Variants in KLHL32 observed in about 807,000 individuals in gnomAD.
KLHL32 encodes kelch like family member 32.
In KLHL32, 35 loss-of-function variants were observed where a neutral mutation model predicts 64.8. That is an observed-to-expected ratio of 0.54 (90% CI 0.41 to 0.72). The LOEUF is 0.72. KLHL32 is among the 30% of genes least tolerant of loss of function. KLHL32 has a pLI of 0.00. For missense variants in KLHL32, 589 were observed against 768.5 expected (o/e 0.77, Z 2.76); for synonymous variants, 259 against 281.0 (o/e 0.92, Z 0.78).
At position 97,009,682 on chromosome 6, in the gene KLHL32, G is replaced by A. The variant is rs150325876; in HGVS notation, c.205-31810G>A. ...ACTACTTTGAATTCCCTATTTGATG[G>A]AAGTGAAATGTGATCTTGCTGGACA... On this transcript the variant is annotated intron_variant, in intron 3 of 10. Transcript: ENST00000369261. Among the ~76,000 whole-genome samples, 1,486 of 152,258 alleles carry A rather than the reference G, an allele frequency of 9.8e-3. 9 individuals are homozygous for A. The highest frequency in any genetic ancestry group is 0.017 in the Non-Finnish European group (1,127 of 68,026).
chr6:96,902,645 C>T, the KLHL32 span, among the ~76,000 whole-genome samples: 1 of 152,048 alleles, frequency 6.6e-6, no homozygotes, highest in African/African-American at 2.4e-5. Flanking sequence ...TTGGTGTCTT[C>T]GTCATGAAAT....
intron 3 of KLHL32, among the ~76,000 whole-genome samples, chr6:96,991,726 AG>A (rs1221688692): frequency 6.6e-6 from 1 of 151,652 alleles, no homozygotes; most frequent in Non-Finnish European, 1.5e-5. Context: ...GCTTCAGAGC[AG>A]CAAAAGTAGT....
intron 1 of KLHL32, among the ~76,000 whole-genome samples, chr6:96,962,087 AAGCT>A (rs1773943653): frequency 6.6e-6 from 1 of 152,180 alleles, no homozygotes; most frequent in South Asian, 2.1e-4. Flanking sequence ...AAGTAATTAA[AAGCT>A]AGCCAGCTAG....
At chr6:97,064,519 A>G (rs1789403102) in intron 4 of KLHL32, 109 bp from the exon 5 acceptor site, 1 of 713,850 alleles carries the variant, frequency 1.4e-6, no homozygotes, top group Non-Finnish European at 2.4e-6. Flanking sequence ...TAATTGAAAT[A>G]GAGTACGTAA....
chr6:96,981,905 G>A (rs957158657), intron 3 of KLHL32, among the ~76,000 whole-genome samples: 1 of 151,944 alleles, frequency 6.6e-6, no homozygotes, highest in Non-Finnish European at 1.5e-5. Context: ...TTACACTTTG[G>A]TCTGAGAGTG....
chr6:96,986,602 C>G (rs530252117), intron 3 of KLHL32, among the ~76,000 whole-genome samples: 3 of 152,302 alleles, frequency 2.0e-5, no homozygotes, highest in South Asian at 2.1e-4. Context: ...TGGCTGCTGC[C>G]TTGCAGTTGG....
At chr6:96,930,229 T>C (rs1434756614) in intron 1 of KLHL32, among the ~76,000 whole-genome samples, 1 of 152,240 alleles carries the variant, frequency 6.6e-6, no homozygotes, top group African/African-American at 2.4e-5. Flanking sequence ...TGACACAAAT[T>C]CTGATACCTC....
At chr6:97,068,765 A>G (rs777302160) in intron 5 of KLHL32, among the ~76,000 whole-genome samples, 28 of 152,214 alleles carry the variant, frequency 1.8e-4, no homozygotes, top group Non-Finnish European at 2.9e-4. Flanking sequence ...CCCTCTTTTT[A>G]TATATCACTC....
chr6:96,917,625 G>C, the KLHL32 span, among the ~76,000 whole-genome samples: 1 of 152,172 alleles, frequency 6.6e-6, no homozygotes, highest in Non-Finnish European at 1.5e-5. Flanking sequence ...GGTCTCAGCA[G>C]GAACTTCAAC....
At chr6:96,921,883 A>T (rs850582), upstream of KLHL32, among the ~76,000 whole-genome samples, 8,123 of 152,254 alleles carry the variant, frequency 0.053, 255 homozygotes, top group South Asian at 0.12. Context: ...GATGAAAAAA[A>T]TGCTGCAGAA....
chr6:96,951,387 A>G (rs1772567513), intron 1 of KLHL32, among the ~76,000 whole-genome samples: 1 of 152,124 alleles, frequency 6.6e-6, no homozygotes, highest in Admixed American at 6.5e-5. Flanking sequence ...AGCAGGAGGA[A>G]AGTTTGCGAC....
At chr6:96,992,005 G>T (rs954666965) in intron 3 of KLHL32, among the ~76,000 whole-genome samples, 4 of 152,338 alleles carry the variant, frequency 2.6e-5, no homozygotes, top group Admixed American at 1.3e-4. Context: ...CAGAAATGGC[G>T]GCCTGCCTGC....
rs111265494 is a variant in KLHL32, at chr6:96,986,034, G to A, written c.204+9857G>A. Among the ~76,000 whole-genome samples the A allele has an allele frequency of 2.0e-3, 303 of 152,190 alleles. 2 individuals are homozygous for A. The highest frequency in any genetic ancestry group is 7.1e-3 in the African/African-American group (294 of 41,502). On this transcript the variant is annotated intron_variant, in intron 3 of 10. Transcript: ENST00000369261. ...ACCTTTGGTCTTTGATGATGGTGAC[G>A]TACAGATGGGGTTTTGGTGTGGATG...
chr6:97,044,513 G>A (rs1327398816), intron 4 of KLHL32, among the ~76,000 whole-genome samples: 1 of 152,044 alleles, frequency 6.6e-6, no homozygotes, highest in Non-Finnish European at 1.5e-5. Context: ...AATAATGCTA[G>A]TCTCATAAAA....
intron 6 of KLHL32, among the ~76,000 whole-genome samples, chr6:97,090,606 A>C (rs2128185123): frequency 6.6e-6 from 1 of 152,382 alleles, no homozygotes; most frequent in South Asian, 2.1e-4. Context: ...TCGATGATAA[A>C]TTGACCCAAA....
At chr6:96,981,744 T>C (rs1776336896) in intron 3 of KLHL32, among the ~76,000 whole-genome samples, 1 of 152,174 alleles carries the variant, frequency 6.6e-6, no homozygotes, top group South Asian at 2.1e-4. Flanking sequence ...GATGCTCATG[T>C]GTTGTATCTT....
chr6:97,027,167 A>AT (rs1208945361), intron 3 of KLHL32, among the ~76,000 whole-genome samples: 2 of 151,764 alleles, frequency 1.3e-5, no homozygotes, highest in African/African-American at 2.4e-5. Context: ...CTCTCAAAAA[A>AT]AAAAAAAAAA....
chr6:97,130,504 C>A lies in KLHL32; in HGVS notation c.1414-253C>A, dbSNP rs539511359. Reference sequence around the variant, plus strand: ...TGTTCCCCTGATGTAATTCAAAATGCACTATAAAATGCAACACAAACTAGA... The same window carrying A: ...TGTTCCCCTGATGTAATTCAAAATGAACTATAAAATGCAACACAAACTAGA... On this transcript the variant is annotated intron_variant, in intron 8 of 10. Transcript: ENST00000369261. 1.6e-4 allele frequency among the ~76,000 whole-genome samples: 25 copies of A among 152,216 alleles called. No homozygotes were observed. In the Middle Eastern group the frequency reaches 0.024, roughly 145 times the overall value.
At chr6:97,127,959 G>A (rs769422468) in intron 8 of KLHL32, among the ~76,000 whole-genome samples, 1 of 152,104 alleles carries the variant, frequency 6.6e-6, no homozygotes, top group Non-Finnish European at 1.5e-5. Flanking sequence ...ACCTTCTTTT[G>A]TCTACATTTC....
Sources: gnomAD v4.1 joint callset for allele counts (sites outside exome capture counted in the v4.1 genomes callset) on GRCh38, gnomAD v4.1.1 for gene constraint, MANE v1.5 for transcripts, NCBI Gene and HGNC (gene_info 2026-07-23, HGNC 2026-07-21) for gene names.